Variants in HERC2 observed in about 807,000 individuals in gnomAD.
HERC2 encodes the protein HECT and RLD domain containing E3 ubiquitin protein ligase 2.
A neutral mutation model predicts 537.7 loss-of-function variants in HERC2; 102 were observed. The ratio of observed to expected loss-of-function variants is 0.19; its 90% CI spans 0.16 to 0.22. The LOEUF is 0.22. Ranked by LOEUF, HERC2 falls within the 10% of genes least tolerant of loss-of-function variation. The pLI is 1.00. For synonymous variants in HERC2, 2,224 were observed against 2,466.2 expected (o/e 0.90, Z 2.91); for missense variants, 4,236 against 6,198.2 (o/e 0.68, Z 10.63).
intron 5 of HERC2, among the ~76,000 whole-genome samples, chr15:28,277,555 T>G (rs2075908629): frequency 6.6e-6 from 1 of 151,834 alleles, no homozygotes; most frequent in Non-Finnish European, 1.5e-5. Context: ...CCCTAAGTCA[T>G]CACAAAGGAA....
rs1341961332 is a variant in HERC2, at chr15:28,130,516, C to T, written c.12649G>A (p.Ala4217Thr). The T allele has an allele frequency of 6.2e-7, 1 of 1,613,896 alleles. No individual in the cohort carries two copies. The highest frequency in any genetic ancestry group is 1.1e-5 in the South Asian group (1 of 91,076). ...AATCTTGCGTACCAGGTATAAACAG[C>T]TCCAGATTTGGTAAGGGCAACAGAA... The part of the protein sequence containing the change: ...QFSVALTKSG[A>T]VYTWGKGDYH... The change falls in exon 82 of 93, where the codon GCT becomes ACT. Residue 4217 changes from alanine to threonine, a missense_variant. Physicochemically the swap from Ala to Thr is moderately conservative, Grantham distance 58. Coordinates refer to ENST00000261609, the MANE Select transcript of HERC2 (RefSeq NM_004667.6).
intron 23 of HERC2, among the ~76,000 whole-genome samples, chr15:28,243,067 T>C (rs1048529570): frequency 3.3e-5 from 5 of 152,134 alleles, no homozygotes; most frequent in African/African-American, 4.8e-5. Flanking sequence ...AATAAGTCAC[T>C]AGGGGAAAAG....
intron 2 of HERC2, among the ~76,000 whole-genome samples, chr15:28,306,871 G>T (rs1452573755): frequency 3.9e-5 from 6 of 152,276 alleles, no homozygotes; most frequent in Admixed American, 6.5e-5. Context: ...GTCTCACTCT[G>T]TCACCCAGGC....
chr15:28,122,842 C>A lies in HERC2; in HGVS notation c.13188+1195G>T, dbSNP rs565329962. ...TGCCCACCGCTCCCCTACCACACAC[C>A]AGCTCCCACCCATGCCCCGCTCACA... is the stretch of plus-strand genomic sequence containing the variant. On this transcript the variant is annotated intron_variant, in intron 85 of 92. Transcript: ENST00000261609. This position sits in a 1 kb window ranked among gnomAD's most constrained non-coding sequence, Gnocchi z 4.1. 4.4e-4 allele frequency among the ~76,000 whole-genome samples: 67 copies of A among 152,202 alleles called. No individual in the cohort carries two copies. In the East Asian group the frequency reaches 7.9e-3, roughly 18 times the overall value.
At chr15:28,316,993 C>T (rs1316209119) in intron 2 of HERC2, among the ~76,000 whole-genome samples, 1 of 151,934 alleles carries the variant, frequency 6.6e-6, no homozygotes, top group Non-Finnish European at 1.5e-5. Flanking sequence ...GCCAGGATGA[C>T]CTCGATCTCC....
At chr15:28,210,357 G>T (rs574893249) in intron 44 of HERC2, among the ~76,000 whole-genome samples, 16 of 151,932 alleles carry the variant, frequency 1.1e-4, no homozygotes, top group South Asian at 6.2e-4. Context: ...ATGGTCTCTA[G>T]CTCCTGACCT....
chr15:28,117,805 T>A, intron 86 of HERC2: 1 of 346,618 alleles, frequency 2.9e-6, no homozygotes, highest in South Asian at 2.2e-5. Context: ...CTCAGGGGCC[T>A]CCAATTCCCA....
rs1302468180 is a variant in HERC2 at position 28,179,190 on chromosome 15, C to T, written c.8971G>A (p.Ala2991Thr). 6.2e-7 allele frequency: 1 copy of T among 1,612,650 alleles called. No individual in the cohort carries two copies. The highest frequency in any genetic ancestry group is 1.3e-5 in the African/African-American group (1 of 74,900). Residue 2991 changes from alanine to threonine, a missense_variant, in exon 58 of 93, where the codon GCT becomes ACT. By Grantham distance (58) the Ala-to-Thr change is moderately conservative. Transcript: ENST00000261609. ...KVPSFSETLS[A>T]LNVVQVAGGS... ...CCAGCCACCTGTACCACATTCAAAG[C>T]TGACAGTGTCTCAGAGAACGAAGGA...
chr15:28,225,696 C>CA (rs35629645), intron 35 of HERC2, among the ~76,000 whole-genome samples: 5,748 of 57,968 alleles, frequency 0.099, 409 homozygotes, highest in African/African-American at 0.22. Flanking sequence ...GACTCCGTCT[C>CA]AAAAAAAAAA....
chr15:28,292,946 A>C lies in HERC2; in HGVS notation c.264T>G (p.Pro88=). 1 of 1,611,380 alleles carries C rather than the reference A, an allele frequency of 6.2e-7. No homozygotes were observed. Among genetic ancestry groups the C allele is most frequent in the Non-Finnish European group, 8.5e-7 (1 of 1,179,470 alleles). ...DKEKKDEEET[P]APIYRAKSIL... is the part of the protein sequence containing the mutation. The stretch of plus-strand genomic sequence containing the variant: ...TTGACTTGGCCCTATATATAGGTGC[A>C]GGAGTTTCTTCTTCATCTTTTTTCT... Residue 88 remains proline, a synonymous_variant, in exon 4 of 93, where the codon CCT becomes CCG. Coordinates refer to ENST00000261609, the MANE Select transcript of HERC2 (RefSeq NM_004667.6).
intron 78 of HERC2, among the ~76,000 whole-genome samples, chr15:28,140,430 A>T (rs1891101329): frequency 1.3e-5 from 2 of 152,344 alleles, no homozygotes; most frequent in South Asian, 4.1e-4. Flanking sequence ...AGATACAAGA[A>T]ATCTTCACAT....
intron 16 of HERC2, among the ~76,000 whole-genome samples, chr15:28,259,670 T>C (rs2075363909): frequency 6.6e-6 from 1 of 151,396 alleles, no homozygotes; most frequent in African/African-American, 2.4e-5. Context: ...AGAAACAGAA[T>C]AGGGCCAGGC....
rs751108371 is a variant in HERC2 at position 28,229,544 on chromosome 15, G to A, written c.5036C>T (p.Ala1679Val). The change falls in exon 33 of 93, where the codon GCG (alanine) becomes GTG (valine). Residue 1679 changes from alanine to valine, a missense_variant. Physicochemically the swap from Ala to Val is moderately conservative, Grantham distance 64. Coordinates refer to ENST00000261609, the MANE Select transcript of HERC2 (RefSeq NM_004667.6). ...LEGIDTILKL[A>V]SKNFLLPSVQ... ...AGATGGAAGTAAGAAATTCTTGCTC[G>A]CCAGTTTTAAAATTGTATCTATCCC... 6.2e-7 allele frequency: 1 copy of A among 1,613,610 alleles called. No homozygotes were observed. Among genetic ancestry groups the A allele is most frequent in the Non-Finnish European group, 8.5e-7 (1 of 1,179,782 alleles).
chr15:28,218,105 G>A (rs1311127577), intron 38 of HERC2, among the ~76,000 whole-genome samples: 1 of 151,432 alleles, frequency 6.6e-6, no homozygotes, highest in African/African-American at 2.5e-5. Flanking sequence ...GTTTGATGAG[G>A]TTGAATGATG....
chr15:28,208,699 C>T (rs545367722), intron 44 of HERC2, among the ~76,000 whole-genome samples: 30 of 152,270 alleles, frequency 2.0e-4, no homozygotes, highest in South Asian at 8.3e-4. Flanking sequence ...TCCAAAGACT[C>T]GCCACTTTCA....
chr15:28,179,233 A>G lies in HERC2; in HGVS notation c.8938-10T>C. 1 of 1,571,888 alleles carries G rather than the reference A, an allele frequency of 6.4e-7. No individual in the cohort carries two copies. Among genetic ancestry groups the G allele is most frequent in the South Asian group, 1.2e-5 (1 of 84,532 alleles). Reference sequence around the variant, plus strand: ...ACGAAGGAACCTTTATCTACAACAGAATTTTTTTAACAAAAAAAAAAGAAA... The same window carrying G: ...ACGAAGGAACCTTTATCTACAACAGGATTTTTTTAACAAAAAAAAAAGAAA... On this transcript the variant is annotated splice_polypyrimidine_tract_variant and intron_variant, in intron 57 of 92. Coordinates refer to ENST00000261609, the MANE Select transcript of HERC2 (RefSeq NM_004667.6).
intron 50 of HERC2, among the ~76,000 whole-genome samples, chr15:28,197,824 T>C (rs1897497513): frequency 6.6e-6 from 1 of 152,124 alleles, no homozygotes. Context: ...CAGGACAAGT[T>C]TACAGAACAC....
At chr15:28,285,732 A>G (rs1039216151) in intron 4 of HERC2, among the ~76,000 whole-genome samples, 5 of 151,416 alleles carry the variant, frequency 3.3e-5, no homozygotes, top group East Asian at 1.9e-4. Flanking sequence ...GAAAACCAAT[A>G]AACAGTAAAG....
intron 3 of HERC2, among the ~76,000 whole-genome samples, chr15:28,295,022 A>G (rs1312167099): frequency 2.0e-5 from 3 of 152,038 alleles, no homozygotes; most frequent in South Asian, 2.1e-4. Context: ...CATGATATTC[A>G]GCATTGTTAG....
Sources: gnomAD v4.1 joint callset for allele counts (sites outside exome capture counted in the v4.1 genomes callset) on GRCh38, gnomAD v4.1.1 for gene constraint, Gnocchi (gnomAD v3.1) non-coding constraint, MANE v1.5 for transcripts, NCBI Gene and HGNC (gene_info 2026-07-23, HGNC 2026-07-21) for gene names.